The following CPEB1 variants were observed in gnomAD, a reference collection of about 807,000 sequenced individuals.
The protein encoded by CPEB1 is cytoplasmic polyadenylation element binding protein 1.
A neutral mutation model predicts 65.8 loss-of-function variants in CPEB1; 7 were observed. The observed-to-expected ratio is 0.11, with a 90% CI of 0.06 to 0.20. CPEB1 has a LOEUF of 0.20. Ranked by LOEUF, CPEB1 falls within the 10% of genes least tolerant of loss-of-function variation. The pLI, the probability that CPEB1 is intolerant of heterozygous loss-of-function variation, is 1.00. For missense variants in CPEB1, 551 were observed against 712.2 expected, an observed-to-expected ratio of 0.77 and a Z score of 2.58; for synonymous variants, 262 against 260.0, an observed-to-expected ratio of 1.01 and a Z score of -0.08.
intron 3 of CPEB1, chr15:82,573,249 T>TA: frequency 1.1e-6 from 1 of 939,260 alleles, no homozygotes; most frequent in Non-Finnish European, 1.5e-6. Context: ...TTTTTTTTTT[T>TA]AAAGCTTTGC....
intron 3 of CPEB1, among the ~76,000 whole-genome samples, chr15:82,602,855 T>C (rs1417672290): frequency 6.6e-6 from 1 of 151,700 alleles, no homozygotes; most frequent in African/African-American, 2.4e-5. Flanking sequence ...AAAAACTAAA[T>C]AAATAAAAAT....
At chr15:82,647,950 TTTTTG>T, upstream of CPEB1, 1 of 1,135,874 alleles carries the variant, frequency 8.8e-7, no homozygotes, top group South Asian at 4.4e-5. Flanking sequence ...GTGGGCACTA[TTTTTG>T]CAGCGGGCCG....
In CPEB1 at chr15:82,570,715, A is replaced by G. The variant is rs141459789; in HGVS notation, c.460+629T>C. 9.6e-3 allele frequency among the ~76,000 whole-genome samples: 1,452 copies of G among 151,904 alleles called. 28 individuals are homozygous for G. Among genetic ancestry groups the G allele is most frequent in the African/African-American group, 0.034 (1,399 of 41,406 alleles). On this transcript the variant is annotated intron_variant, in intron 4 of 12. Transcript: ENST00000684509. ...TTCTTTTATCCAGCTGGTCACTCTC[A>G]ACACAAAGGGAAAAAAAAAAAAGAT...
chr15:82,609,433 C>T (rs1331291315), intron 3 of CPEB1, among the ~76,000 whole-genome samples: 1 of 151,142 alleles, frequency 6.6e-6, no homozygotes, highest in Non-Finnish European at 1.5e-5. Flanking sequence ...CCTGGGAGGT[C>T]GCGGCTGCAG....
intron 3 of CPEB1, among the ~76,000 whole-genome samples, chr15:82,600,189 A>G (rs75053235): frequency 0.013 from 1,979 of 152,302 alleles, 36 homozygotes; most frequent in African/African-American, 0.044. Flanking sequence ...AAAAGAGAGA[A>G]AAAGGTTTCA....
intron 3 of CPEB1, among the ~76,000 whole-genome samples, chr15:82,579,682 A>G (rs62009923): frequency 0.52 from 77,508 of 148,852 alleles, 20,229 homozygotes; most frequent in African/African-American, 0.63. Flanking sequence ...GGAGGCCGAG[A>G]CGGGTGGATC....
intron 3 of CPEB1, among the ~76,000 whole-genome samples, chr15:82,574,922 C>T (rs1423774757): frequency 6.6e-6 from 1 of 152,086 alleles, no homozygotes; most frequent in East Asian, 1.9e-4. Context: ...ATTTACTGCA[C>T]ATTATAGCTT....
chr15:82,622,470 G>A (rs1447307426), intron 3 of CPEB1, among the ~76,000 whole-genome samples: 6 of 152,024 alleles, frequency 3.9e-5, no homozygotes, highest in African/African-American at 7.3e-5. Flanking sequence ...GTGCAACCTC[G>A]GCTCACTGCA....
intron 4 of CPEB1, among the ~76,000 whole-genome samples, chr15:82,563,357 CTTTTTTTTTT>C (rs71453394): frequency 4.3e-5 from 4 of 92,076 alleles, no homozygotes; most frequent in African/African-American, 1.7e-4. Flanking sequence ...CATCTCTATT[CTTTTTTTTTT>C]TTTTTTTTTT....
Position 82,544,272 on chromosome 15 carries a change from G to GTTTTTTTTTTTTTT in CPEB1, c.*306_*319dup, listed in dbSNP as rs35946080. 1 of 130,764 alleles carries GTTTTTTTTTTTTTT rather than the reference G, an allele frequency of 7.6e-6. No individual in the cohort carries two copies. Among genetic ancestry groups the GTTTTTTTTTTTTTT allele is most frequent in the African/African-American group, 3.2e-5 (1 of 31,270 alleles). The allele number at this position is 130,764 out of a possible 1,614,324, so 8.1% of individuals were successfully genotyped here. On this transcript the variant is annotated 3_prime_UTR_variant, in exon 13 of 13. Coordinates refer to ENST00000684509, the MANE Select transcript of CPEB1 (RefSeq NM_001365242.1). ...TACCTCAATACCTTCTGGACACGTA[G>GTTTTTTTTTTTTTT]TTTTTTTTTTTTTTTTTTTTTTCCC...
chr15:82,642,274 G>A (rs972513593), intron 1 of CPEB1, among the ~76,000 whole-genome samples: 1 of 152,224 alleles, frequency 6.6e-6, no homozygotes, highest in African/African-American at 2.4e-5. Flanking sequence ...AGCTTTAAGA[G>A]CCTGCATGGT....
chr15:82,629,348 G>A (rs995798261), intron 1 of CPEB1: 1 of 984,630 alleles, frequency 1.0e-6, no homozygotes, highest in Admixed American at 6.2e-5. Context: ...CACCCAAACT[G>A]ATTAAGTTAT....
At chr15:82,640,323 T>C (rs538056726) in intron 1 of CPEB1, among the ~76,000 whole-genome samples, 2 of 152,192 alleles carry the variant, frequency 1.3e-5, no homozygotes, top group Non-Finnish European at 1.5e-5. Flanking sequence ...ATAAAACTGC[T>C]GTGAATATTC....
At chr15:82,606,032 C>T (rs752433068) in intron 3 of CPEB1, among the ~76,000 whole-genome samples, 6 of 151,730 alleles carry the variant, frequency 4.0e-5, no homozygotes, top group Non-Finnish European at 8.8e-5. Flanking sequence ...CAGCAAAACT[C>T]CACCTCAAAA....
chr15:82,626,151 A>G (rs1291597284), intron 3 of CPEB1, among the ~76,000 whole-genome samples: 4 of 151,618 alleles, frequency 2.6e-5, no homozygotes, highest in Admixed American at 1.3e-4. Context: ...AATATAAAAT[A>G]AAGGCCGGGT....
chr15:82,646,147 C>G (rs1214857172), intron 1 of CPEB1, among the ~76,000 whole-genome samples: 1 of 152,166 alleles, frequency 6.6e-6, no homozygotes, highest in Non-Finnish European at 1.5e-5. Context: ...TATTTTTTAA[C>G]CCAGCATGTG....
At chr15:82,613,467 A>C (rs956234637) in intron 3 of CPEB1, among the ~76,000 whole-genome samples, 1 of 152,036 alleles carries the variant, frequency 6.6e-6, no homozygotes, top group Non-Finnish European at 1.5e-5. Context: ...GGCTCACTGC[A>C]ATCTCCACCT....
rs1236664724 is a variant in CPEB1, at chr15:82,614,875, G to GTA, written c.271+12317_271+12318insTA. ...TGTGTGTGTGTGTGTGTGTGTGTGT[G>GTA]TGTGTATATATATATATGACCTCAG... On this transcript the variant is annotated intron_variant, in intron 3 of 12. Coordinates refer to ENST00000684509, the MANE Select transcript of CPEB1 (RefSeq NM_001365242.1). 3.9e-3 allele frequency among the ~76,000 whole-genome samples: 479 copies of GTA among 123,264 alleles called. 3 individuals are homozygous for GTA. The highest frequency in any genetic ancestry group is 0.013 in the African/African-American group (453 of 35,206). 80.9% of individuals were successfully genotyped at this position (123,264 alleles called of 152,430 possible).
chr15:82,553,933 G>A lies in CPEB1; in HGVS notation c.999C>T (p.Asn333=), dbSNP rs2036729807. The A allele has an allele frequency of 1.9e-6, 3 of 1,612,124 alleles. No homozygotes were observed. The highest frequency in any genetic ancestry group is 3.4e-5 in the Admixed American group (2 of 59,534). The change falls in exon 7 of 13, where the codon AAC becomes AAT. Residue 333 remains asparagine (N), a synonymous_variant. Coordinates refer to ENST00000684509, the MANE Select transcript of CPEB1 (RefSeq NM_001365242.1). Reference sequence around the variant, plus strand: ...GAAACACCTTGCAAGAGTAGATGGGGTTCTTATAGTTCCGGGGAGGAAGCT... The same window carrying A: ...GAAACACCTTGCAAGAGTAGATGGGATTCTTATAGTTCCGGGGAGGAAGCT... The part of the protein sequence containing the change: ...SGQLPPRNYK[N]PIYSCKVFLG...
Sources: allele counts gnomAD v4.1 joint callset (sites outside exome capture counted in the v4.1 genomes callset), GRCh38; gene constraint gnomAD v4.1.1; transcripts MANE v1.5; gene names NCBI Gene and HGNC (gene_info 2026-07-23, HGNC 2026-07-21).